Variants in NFIB observed in about 807,000 individuals in gnomAD.
The protein encoded by NFIB is nuclear factor 1 B-type.
NFIB carries 11 observed loss-of-function variants against 61.5 expected under a neutral mutation model. That is an observed-to-expected ratio of 0.18 (90% CI 0.11 to 0.30). The LOEUF is 0.30. Among genes scored for constraint, NFIB ranks in the 10% least tolerant of loss-of-function variants. The pLI is 1.00. For synonymous variants in NFIB, 260 were observed against 216.5 expected, an observed-to-expected ratio of 1.20 and a Z score of -1.76; for missense variants, 471 against 608.9, an observed-to-expected ratio of 0.77 and a Z score of 2.38.
At chr9:14,481,021 G>T in the NFIB span, among the ~76,000 whole-genome samples, 1 of 151,040 alleles carries the variant, frequency 6.6e-6, no homozygotes, top group Non-Finnish European at 1.5e-5. Flanking sequence ...TGAACCCCAT[G>T]ACTCACTGCC....
intron 2 of NFIB, among the ~76,000 whole-genome samples, chr9:14,194,870 G>C (rs2048312535): frequency 6.6e-6 from 1 of 152,082 alleles, no homozygotes; most frequent in Admixed American, 6.6e-5. Context: ...ACAGAAGATA[G>C]AACAAAATAA....
chr9:14,109,589 C>T (rs542390053), intron 10 of NFIB, among the ~76,000 whole-genome samples: 11 of 152,120 alleles, frequency 7.2e-5, no homozygotes, highest in African/African-American at 2.6e-4. Flanking sequence ...TTTAAGATTT[C>T]CCCCATGCCA....
rs76064493 is a variant in NFIB at position 14,256,630 on chromosome 9, C to A, written c.562+50359G>T. On this transcript the variant is annotated intron_variant, in intron 2 of 10. Coordinates refer to ENST00000380953, the MANE Select transcript of NFIB (RefSeq NM_001190737.2). ...ATGCCAGACCATTAAAATATTTCAG[C>A]AACACTAGCTTGTTTGGCAGTCAGA... Among the ~76,000 whole-genome samples, 467 of 152,310 alleles carry A rather than the reference C, an allele frequency of 3.1e-3. 1 individual carries two copies. The highest frequency in any genetic ancestry group is 0.011 in the African/African-American group (455 of 41,558).
At chr9:14,469,434 C>G in the NFIB span, among the ~76,000 whole-genome samples, 4 of 152,300 alleles carry the variant, frequency 2.6e-5, no homozygotes, top group South Asian at 8.3e-4. Context: ...ATTATTCTCA[C>G]TGGTATGACT....
the NFIB span, among the ~76,000 whole-genome samples, chr9:14,478,032 T>C: frequency 6.6e-6 from 1 of 152,184 alleles, no homozygotes; most frequent in East Asian, 1.9e-4. Context: ...AAAGATTTGA[T>C]GTGCTTCCAA....
chr9:14,233,586 G>A (rs916654621), intron 2 of NFIB, among the ~76,000 whole-genome samples: 3 of 151,908 alleles, frequency 2.0e-5, no homozygotes, highest in East Asian at 1.9e-4. Context: ...AGGCCACCAC[G>A]CCCAGCTAAT....
intron 3 of NFIB, among the ~76,000 whole-genome samples, chr9:14,177,134 T>A (rs536299970): frequency 6.6e-6 from 1 of 152,316 alleles, no homozygotes; most frequent in African/African-American, 2.4e-5. Context: ...CTTGTGGTGG[T>A]AGACTGAATT....
chr9:14,294,671 C>T (rs376096147), intron 2 of NFIB, among the ~76,000 whole-genome samples: 136 of 152,296 alleles, frequency 8.9e-4, no homozygotes, highest in Non-Finnish European at 1.5e-3. Context: ...TCCTGCTTTC[C>T]GTACACCCTA....
intron 2 of NFIB, among the ~76,000 whole-genome samples, chr9:14,217,613 T>C (rs530592784): frequency 4.4e-5 from 6 of 136,782 alleles, no homozygotes. Flanking sequence ...TGAGCCGAGA[T>C]TGCAACATTG....
chr9:14,313,851 T>C lies in NFIB; in HGVS notation c.-340A>G, dbSNP rs907405157. The C allele has an allele frequency of 1.4e-4, 165 of 1,180,474 alleles. No homozygotes were observed. The South Asian group carries it at 2.5e-3, about 18-fold the overall frequency. 73.1% of individuals were successfully genotyped at this position (1,180,474 alleles called of 1,614,324 possible). On this transcript the variant is annotated 5_prime_UTR_variant, in exon 1 of 11. Coordinates refer to ENST00000380953, the MANE Select transcript of NFIB (RefSeq NM_001190737.2). This position sits in a 1 kb window ranked among gnomAD's most constrained non-coding sequence, Gnocchi z 4.5. ...TGGGGATTTGTTTTCTATTTTGCAG[T>C]TGTTGTTGTTGTTGGGGTGTAGGGG...
At chr9:14,448,772 G>T in the NFIB span, among the ~76,000 whole-genome samples, 1 of 152,186 alleles carries the variant, frequency 6.6e-6, no homozygotes, top group Admixed American at 6.5e-5. Context: ...TAAAGAACTT[G>T]TCATCCCATG....
At chr9:14,227,407 A>T (rs1164419356) in intron 2 of NFIB, among the ~76,000 whole-genome samples, 2 of 152,190 alleles carry the variant, frequency 1.3e-5, no homozygotes, top group Non-Finnish European at 2.9e-5. Flanking sequence ...TCTGTTGAAT[A>T]AACAAAGCAT....
chr9:14,471,873 C>A, the NFIB span, among the ~76,000 whole-genome samples: 5 of 152,184 alleles, frequency 3.3e-5, no homozygotes, highest in South Asian at 1.0e-3. Flanking sequence ...CTGAAGAGGC[C>A]TCTGAAGTGA....
intron 1 of NFIB, among the ~76,000 whole-genome samples, chr9:14,326,426 A>G (rs1267142030): frequency 6.6e-6 from 1 of 152,208 alleles, no homozygotes; most frequent in Non-Finnish European, 1.5e-5. Flanking sequence ...CATTGAGAGT[A>G]TGGGTACAAA....
the NFIB span, among the ~76,000 whole-genome samples, chr9:14,450,185 G>A: frequency 1.3e-5 from 2 of 151,900 alleles, no homozygotes. Context: ...TGTTCTCTTT[G>A]TTCAATTCCC....
chr9:14,515,654 G>A, the NFIB span, among the ~76,000 whole-genome samples: 2 of 152,142 alleles, frequency 1.3e-5, no homozygotes, highest in Non-Finnish European at 2.9e-5. Flanking sequence ...GCCTCTGAAC[G>A]TCTGAGGCCC....
intron 10 of NFIB, among the ~76,000 whole-genome samples, chr9:14,110,080 A>G (rs2037122312): frequency 6.6e-6 from 1 of 152,116 alleles, no homozygotes; most frequent in South Asian, 2.1e-4. Flanking sequence ...GGTTCATTTT[A>G]ACATTAGAAA....
chr9:14,527,354 G>C, the NFIB span, among the ~76,000 whole-genome samples: 1 of 152,038 alleles, frequency 6.6e-6, no homozygotes, highest in Admixed American at 6.6e-5. Context: ...CTTTATCTAT[G>C]TCATTAATTG....
chr9:14,319,966 G>A (rs944475456), intron 1 of NFIB, among the ~76,000 whole-genome samples: 1 of 152,124 alleles, frequency 6.6e-6, no homozygotes, highest in Non-Finnish European at 1.5e-5. Flanking sequence ...ATCTCTGAGT[G>A]TATCTGAAAT....
Sources: gnomAD v4.1 joint callset for allele counts (sites outside exome capture counted in the v4.1 genomes callset) on GRCh38, gnomAD v4.1.1 for gene constraint, Gnocchi (gnomAD v3.1) non-coding constraint, MANE v1.5 for transcripts, NCBI Gene and HGNC (gene_info 2026-07-23, HGNC 2026-07-21) for gene names.